Variants in RNASEH2B observed in about 807,000 individuals in gnomAD.
RNASEH2B encodes Aicardi-Goutieres syndrome 2 protein.
In RNASEH2B, 36 loss-of-function variants were observed where a neutral mutation model predicts 45.0. The ratio of observed to expected loss-of-function variants is 0.80; its 90% CI spans 0.61 to 1.06. RNASEH2B has a LOEUF of 1.06. RNASEH2B is among the 50% of genes least tolerant of loss of function. The probability of loss-of-function intolerance (pLI) is 0.00; values close to 1 mark genes in which losing one functional copy is unlikely to be tolerated. For missense variants in RNASEH2B, 361 were observed against 360.3 expected (o/e 1.00, Z -0.02); for synonymous variants, 119 against 125.7 (o/e 0.95, Z 0.35).
At chr13:50,944,412 T>G (rs151102957) in intron 6 of RNASEH2B, among the ~76,000 whole-genome samples, 3,467 of 151,762 alleles carry the variant, frequency 0.023, 62 homozygotes, top group African/African-American at 0.044. Flanking sequence ...TAAGAACACA[T>G]GAACACAGGG....
At chr13:50,945,119 C>T (rs891929583) in intron 6 of RNASEH2B, among the ~76,000 whole-genome samples, 3 of 152,096 alleles carry the variant, frequency 2.0e-5, no homozygotes, top group Non-Finnish European at 2.9e-5. Context: ...AGTAACTAGC[C>T]GTGGTTACAG....
intron 7 of RNASEH2B, among the ~76,000 whole-genome samples, chr13:50,946,544 T>C (rs1346952756): frequency 6.6e-6 from 1 of 152,122 alleles, no homozygotes; most frequent in Non-Finnish European, 1.5e-5. Context: ...GATTAATGGA[T>C]AGATAGGTGG....
chr13:50,935,074 C>G, intron 5 of RNASEH2B, 75 bp downstream of exon 5: 2 of 898,502 alleles, frequency 2.2e-6, no homozygotes, highest in Non-Finnish European at 3.7e-6. Context: ...CTTACAGACA[C>G]ACTGAATGTA....
At chr13:50,943,832 G>A (rs1004532691) in intron 6 of RNASEH2B, among the ~76,000 whole-genome samples, 5 of 152,224 alleles carry the variant, frequency 3.3e-5, no homozygotes, top group Admixed American at 2.6e-4. Context: ...CTGCTCTCAG[G>A]GTCTGGACAC....
chr13:50,938,045 T>C (rs1951781362), intron 5 of RNASEH2B: 1 of 152,222 alleles, frequency 6.6e-6, no homozygotes, highest in South Asian at 2.1e-4. Context: ...CAAAAGAATC[T>C]ACAAAAGAAG....
chr13:50,943,313 C>A lies in RNASEH2B; in HGVS notation c.437-8C>A. 6.6e-7 allele frequency: 1 copy of A among 1,504,066 alleles called. No individual in the cohort carries two copies. The highest frequency in any genetic ancestry group is 9.2e-7 in the Non-Finnish European group (1 of 1,087,970). 93.2% of individuals were successfully genotyped at this position (1,504,066 alleles called of 1,614,324 possible). ...ATTCATTGTGCTGAGTCTTTTTTTT[C>A]TTTTAAGGTAATCCAGAAATAGACA... On this transcript the variant is annotated splice_region_variant and splice_polypyrimidine_tract_variant and intron_variant, in intron 5 of 10. Coordinates refer to ENST00000336617, the MANE Select transcript of RNASEH2B (RefSeq NM_024570.4).
At chr13:50,927,539 T>G in intron 2 of RNASEH2B, 61 bp downstream of exon 2, 1 of 1,027,660 alleles carries the variant, frequency 9.7e-7, no homozygotes. Flanking sequence ...GTATATACAC[T>G]TTTATGTCTT....
chr13:50,951,867 C>T (rs76130067), intron 9 of RNASEH2B: 2 of 152,180 alleles, frequency 1.3e-5, no homozygotes, highest in East Asian at 3.9e-4. Flanking sequence ...ACACTTGTAA[C>T]TGGTATCTTG....
chr13:50,969,537 A>AAAC (rs2138048735), intron 9 of RNASEH2B, among the ~76,000 whole-genome samples: 1 of 151,912 alleles, frequency 6.6e-6, no homozygotes, highest in Non-Finnish European at 1.5e-5. Flanking sequence ...AAAAAAAAAA[A>AAAC]AGAAAAATGG....
intron 1 of RNASEH2B, among the ~76,000 whole-genome samples, chr13:50,913,420 G>A (rs952881504): frequency 6.6e-6 from 1 of 151,910 alleles, no homozygotes; most frequent in Non-Finnish European, 1.5e-5. Context: ...ATTGCTGTTG[G>A]GGGCTGAACA....
chr13:50,970,162 C>T, exon 10 of RNASEH2B: 1 of 652,122 alleles, frequency 1.5e-6, no homozygotes. Context: ...CTCCCTGGAG[C>T]ACTCAGCTAG....
downstream of RNASEH2B, chr13:50,959,788 A>G: frequency 6.3e-6 from 1 of 157,918 alleles, no homozygotes; most frequent in Non-Finnish European, 1.4e-5. Flanking sequence ...TAAATCATCT[A>G]GAGAATGTGT....
rs1483009961 is a variant in RNASEH2B at position 50,949,514 on chromosome 13, C to G, written c.741+9C>G. 1 of 1,611,758 alleles carries G rather than the reference C, an allele frequency of 6.2e-7. No individual in the cohort carries two copies. Among genetic ancestry groups the G allele is most frequent in the Non-Finnish European group, 8.5e-7 (1 of 1,178,006 alleles). On this transcript the variant is annotated intron_variant, in intron 9 of 10. Transcript: ENST00000336617. The stretch of plus-strand genomic sequence containing the variant: ...CAAATCCTCCATCAAAGGTAAGAAG[C>G]TGTGACTAAGATATCTTTGGGGGAC...
At chr13:50,964,456 T>C (rs1270071911) in intron 9 of RNASEH2B, among the ~76,000 whole-genome samples, 1 of 152,174 alleles carries the variant, frequency 6.6e-6, no homozygotes, top group African/African-American at 2.4e-5. Context: ...ACAAAAATTA[T>C]AATCATAGAG....
At chr13:50,968,280 A>G (rs1952185672) in intron 9 of RNASEH2B, among the ~76,000 whole-genome samples, 1 of 152,162 alleles carries the variant, frequency 6.6e-6, no homozygotes. Flanking sequence ...CACACCTGTA[A>G]TTCTAGCTAC....
At chr13:50,925,339 T>C (rs1951579557) in intron 1 of RNASEH2B, among the ~76,000 whole-genome samples, 1 of 152,240 alleles carries the variant, frequency 6.6e-6, no homozygotes, top group Non-Finnish European at 1.5e-5. Flanking sequence ...TGATTTTGTT[T>C]ACTCATTATG....
chr13:50,927,296 T>TA (rs1593455743), intron 1 of RNASEH2B, 111 bp from the exon 2 acceptor site: 1 of 715,810 alleles, frequency 1.4e-6, no homozygotes, highest in East Asian at 2.7e-5. Context: ...TAAATTGAGT[T>TA]AAAAATCTTA....
chr13:50,961,028 T>A (rs1209224203), downstream of RNASEH2B, among the ~76,000 whole-genome samples: 3 of 152,198 alleles, frequency 2.0e-5, no homozygotes, highest in Admixed American at 1.3e-4. Context: ...TTCTTTTTGA[T>A]TAAATTCAAG....
At chr13:50,940,009 T>C (rs1951814454) in intron 5 of RNASEH2B, among the ~76,000 whole-genome samples, 1 of 152,232 alleles carries the variant, frequency 6.6e-6, no homozygotes, top group Admixed American at 6.5e-5. Context: ...TACCTGGCTG[T>C]CCACGGCTTA....
Sources: gnomAD v4.1 joint callset for allele counts (sites outside exome capture counted in the v4.1 genomes callset) on GRCh38, gnomAD v4.1.1 for gene constraint, MANE v1.5 for transcripts, NCBI Gene and HGNC (gene_info 2026-07-23, HGNC 2026-07-21) for gene names.